The following RYR2 variants were observed in gnomAD, a reference collection of about 807,000 sequenced individuals.
RYR2 encodes the protein ryanodine receptor 2, also known as cardiac muscle ryanodine receptor-calcium release channel.
RYR2 carries 227 observed loss-of-function variants against 601.1 expected under a neutral mutation model. That is an observed-to-expected ratio of 0.38 (90% CI 0.34 to 0.42). RYR2 has a LOEUF of 0.42. Ranked by LOEUF, RYR2 falls within the 10% of genes least tolerant of loss-of-function variation. The probability of loss-of-function intolerance (pLI) is 1.00; values close to 1 mark genes in which losing one functional copy is unlikely to be tolerated. For missense variants in RYR2, 4,646 were observed against 6,156.5 expected (o/e 0.75, Z 8.21); for synonymous variants, 2,223 against 2,175.1 (o/e 1.02, Z -0.61).
At chr1:237,511,205 C>A (rs760795106) in intron 23 of RYR2, among the ~76,000 whole-genome samples, 1 of 148,430 alleles carries the variant, frequency 6.7e-6, no homozygotes, top group East Asian at 2.0e-4. Flanking sequence ...CAAAAGAGAC[C>A]AAAATCTTTG....
At chr1:237,795,471 A>AGAT (rs1573982841) in intron 96 of RYR2, 140 bp downstream of exon 96, 1 of 492,620 alleles carries the variant, frequency 2.0e-6, no homozygotes, top group Non-Finnish European at 3.6e-6. Context: ...TTAATTTTTG[A>AGAT]GATGGAGTCT....
chr1:237,337,345 A>G (rs1174978726), intron 3 of RYR2, among the ~76,000 whole-genome samples: 1 of 152,168 alleles, frequency 6.6e-6, no homozygotes, highest in African/African-American at 2.4e-5. Context: ...CTGAAGCCCC[A>G]TAAATTACTT....
intron 13 of RYR2, among the ~76,000 whole-genome samples, chr1:237,445,197 T>A (rs560124221): frequency 5.5e-4 from 83 of 152,100 alleles, no homozygotes; most frequent in Admixed American, 1.3e-3. Context: ...AATGAAGTAA[T>A]AACTAAATGA....
intron 2 of RYR2, among the ~76,000 whole-genome samples, chr1:237,310,559 C>T (rs1036073635): frequency 6.6e-6 from 1 of 152,148 alleles, no homozygotes; most frequent in African/African-American, 2.4e-5. Flanking sequence ...TTACCATACC[C>T]TACCTCTTTC....
chr1:237,814,887 C>G (rs1487674688), intron 100 of RYR2, among the ~76,000 whole-genome samples: 1 of 151,076 alleles, frequency 6.6e-6, no homozygotes, highest in African/African-American at 2.4e-5. Flanking sequence ...GGTAATTGTT[C>G]TAAATTACCT....
At chr1:237,502,946 C>G (rs1218093908) in intron 21 of RYR2, among the ~76,000 whole-genome samples, 2 of 151,942 alleles carry the variant, frequency 1.3e-5, no homozygotes, top group South Asian at 2.1e-4. Context: ...TCTTTCGGTA[C>G]TTTGGGACTT....
intron 100 of RYR2, among the ~76,000 whole-genome samples, chr1:237,816,558 G>A (rs1054743606): frequency 2.0e-5 from 3 of 151,896 alleles, no homozygotes; most frequent in Admixed American, 6.6e-5. Flanking sequence ...GCATGGTGGC[G>A]GACACCTGTA....
intron 79 of RYR2, among the ~76,000 whole-genome samples, chr1:237,734,393 G>A (rs188241077): frequency 2.6e-5 from 4 of 152,220 alleles, no homozygotes; most frequent in Admixed American, 1.3e-4. Context: ...GAGGGAAACC[G>A]TCCCCATGAT....
At chr1:237,826,306 C>T (rs985584393) in intron 101 of RYR2, among the ~76,000 whole-genome samples, 5 of 152,058 alleles carry the variant, frequency 3.3e-5, no homozygotes, top group African/African-American at 7.2e-5. Flanking sequence ...AAAAGTGCCA[C>T]GTATGTACCA....
At chr1:237,594,884 GGGTTTTTTTTTTTTTT>G (rs1675633076) in intron 33 of RYR2, among the ~76,000 whole-genome samples, 1 of 87,028 alleles carries the variant, frequency 1.1e-5, no homozygotes, top group Admixed American at 1.1e-4. Context: ...TAATATCACT[GGGTTTTTTTTTTTTTT>G]TTTTTTTTTT....
intron 1 of RYR2, among the ~76,000 whole-genome samples, chr1:237,063,675 T>A (rs1400346774): frequency 6.6e-6 from 1 of 152,192 alleles, no homozygotes. Flanking sequence ...CATGTAGATT[T>A]ACTTATATGT....
rs558842943 is a variant in RYR2 at position 237,749,499 on chromosome 1, A to G, written c.11146-6789A>G. On this transcript the variant is annotated intron_variant, in intron 80 of 104. Coordinates refer to ENST00000366574, the MANE Select transcript of RYR2 (RefSeq NM_001035.3). Reference sequence around the variant, plus strand: ...TGCTGAAAACAAGTCAGGGAAGCCCATAGATAAACTTTTACAGTGTGGTGA... The same window carrying G: ...TGCTGAAAACAAGTCAGGGAAGCCCGTAGATAAACTTTTACAGTGTGGTGA... Among the ~76,000 whole-genome samples the G allele has an allele frequency of 2.1e-4, 32 of 152,252 alleles. 1 individual carries two copies. In the East Asian group the frequency reaches 5.8e-3, roughly 28 times the overall value.
intron 1 of RYR2, among the ~76,000 whole-genome samples, chr1:237,250,528 G>A (rs768936800): frequency 2.0e-4 from 30 of 152,120 alleles, no homozygotes; most frequent in Non-Finnish European, 4.0e-4. Flanking sequence ...CTAATCTCAA[G>A]TGTGTCCTGG....
intron 6 of RYR2, among the ~76,000 whole-genome samples, chr1:237,369,945 G>A (rs1426117914): frequency 2.0e-5 from 3 of 151,914 alleles, no homozygotes; most frequent in Admixed American, 6.6e-5. Flanking sequence ...AGAGAAATAA[G>A]GTATCTTTAT....
chr1:237,665,261 CAG>C (rs1453213960), intron 56 of RYR2, among the ~76,000 whole-genome samples: 1 of 151,824 alleles, frequency 6.6e-6, no homozygotes, highest in Non-Finnish European at 1.5e-5. Context: ...TAGCTGGTGA[CAG>C]AGATGCGTGC....
intron 1 of RYR2, among the ~76,000 whole-genome samples, chr1:237,054,375 T>C (rs1309932701): frequency 1.5e-5 from 2 of 132,300 alleles, no homozygotes; most frequent in Non-Finnish European, 3.1e-5. Flanking sequence ...TAAAAGACTG[T>C]AAATTGGATT....
At chr1:237,295,427 G>A (rs937345570) in intron 2 of RYR2, among the ~76,000 whole-genome samples, 5 of 152,088 alleles carry the variant, frequency 3.3e-5, no homozygotes, top group African/African-American at 1.2e-4. Flanking sequence ...AGTCATTGAT[G>A]ATATATTGCA....
chr1:237,327,488 G>A (rs546121023), intron 2 of RYR2, among the ~76,000 whole-genome samples: 2 of 152,294 alleles, frequency 1.3e-5, no homozygotes, highest in East Asian at 3.9e-4. Flanking sequence ...GCAAAGGCAT[G>A]AAACAATTTA....
intron 1 of RYR2, among the ~76,000 whole-genome samples, chr1:237,227,123 G>A (rs1035075576): frequency 1.3e-5 from 2 of 152,052 alleles, no homozygotes; most frequent in African/African-American, 2.4e-5. Context: ...AAAAATGTTG[G>A]TCAGAGGGCA....
Sources: allele counts gnomAD v4.1 joint callset (sites outside exome capture counted in the v4.1 genomes callset), GRCh38; gene constraint gnomAD v4.1.1; transcripts MANE v1.5; gene names NCBI Gene and HGNC (gene_info 2026-07-23, HGNC 2026-07-21).